DOCK1: variants seen among roughly 807,000 people sequenced by gnomAD.
The protein encoded by DOCK1 is dedicator of cytokinesis 1, also known as dedicator of cytokinesis protein 1.
A neutral mutation model predicts 262.7 loss-of-function variants in DOCK1; 138 were observed. The observed-to-expected ratio is 0.53, with a 90% CI of 0.46 to 0.61. The LOEUF (loss-of-function observed/expected upper bound fraction) is 0.61. DOCK1 is among the 20% of genes least tolerant of loss of function. The pLI, the probability that DOCK1 is intolerant of heterozygous loss-of-function variation, is 0.00. For synonymous variants in DOCK1, 866 were observed against 867.4 expected, an observed-to-expected ratio of 1.00 and a Z score of 0.03; for missense variants, 1,908 against 2,370.7, an observed-to-expected ratio of 0.80 and a Z score of 4.05.
chr10:127,214,272 C>T (rs181244152), intron 27 of DOCK1, among the ~76,000 whole-genome samples: 5 of 152,294 alleles, frequency 3.3e-5, no homozygotes, highest in East Asian at 3.9e-4. Flanking sequence ...TAGCTCCCCC[C>T]GCCCAGCTGT....
intron 1 of DOCK1, among the ~76,000 whole-genome samples, chr10:126,955,979 A>AAGGC (rs2036704034): frequency 6.6e-6 from 1 of 152,148 alleles, no homozygotes; most frequent in African/African-American, 2.4e-5. Context: ...ACAGATGACA[A>AAGGC]AGGCAGGCAG....
chr10:127,314,763 T>C (rs949972551), intron 29 of DOCK1, among the ~76,000 whole-genome samples: 28 of 152,210 alleles, frequency 1.8e-4, no homozygotes, highest in Non-Finnish European at 2.9e-4. Flanking sequence ...AAGAACCCTG[T>C]CTGTCAGTGT....
intron 23 of DOCK1, among the ~76,000 whole-genome samples, chr10:127,067,850 G>A (rs2045967580): frequency 6.6e-6 from 1 of 152,032 alleles, no homozygotes; most frequent in East Asian, 1.9e-4. Context: ...AGAGCCCCAG[G>A]CCCCTGACGC....
chr10:127,257,624 G>T, intron 29 of DOCK1, 195 bp downstream of exon 29: 1 of 439,606 alleles, frequency 2.3e-6, no homozygotes. Context: ...ACAACACAGG[G>T]CTCTGGCTCT....
chr10:127,202,466 T>G (rs1182255082), intron 27 of DOCK1, among the ~76,000 whole-genome samples: 1 of 152,152 alleles, frequency 6.6e-6, no homozygotes, highest in African/African-American at 2.4e-5. Context: ...AGGCTTTTCT[T>G]TAGGGAGCTG....
intron 47 of DOCK1, among the ~76,000 whole-genome samples, chr10:127,428,755 T>C (rs935216373): frequency 7.0e-6 from 1 of 143,210 alleles, no homozygotes; most frequent in African/African-American, 2.6e-5. Flanking sequence ...GCTGTGTGGA[T>C]TGGGGTACCG....
chr10:127,375,656 A>T (rs1426355254), intron 35 of DOCK1, among the ~76,000 whole-genome samples: 1 of 152,236 alleles, frequency 6.6e-6, no homozygotes, highest in Non-Finnish European at 1.5e-5. Context: ...GCCATGAGGA[A>T]CTTCACAGCT....
intron 27 of DOCK1, among the ~76,000 whole-genome samples, chr10:127,235,788 G>GT (rs57376230): frequency 3.5e-4 from 52 of 149,336 alleles, no homozygotes; most frequent in African/African-American, 5.0e-4. Flanking sequence ...TGTGGTGGTT[G>GT]TTTTTTTTTT....
intron 48 of DOCK1, among the ~76,000 whole-genome samples, chr10:127,435,454 A>G (rs527595433): frequency 6.6e-5 from 10 of 152,258 alleles, no homozygotes; most frequent in African/African-American, 2.2e-4. Flanking sequence ...CTTAACAGTA[A>G]TTTTTATCAG....
chr10:127,269,082 T>A (rs552891438), intron 29 of DOCK1, among the ~76,000 whole-genome samples: 1 of 152,136 alleles, frequency 6.6e-6, no homozygotes, highest in Admixed American at 6.5e-5. Flanking sequence ...CCACCACTTA[T>A]GAGCTTTGTA....
chr10:126,918,872 A>G (rs1445311320), intron 1 of DOCK1, among the ~76,000 whole-genome samples: 1 of 122,546 alleles, frequency 8.2e-6, no homozygotes, highest in Non-Finnish European at 1.8e-5. Context: ...TTGGTCTGGC[A>G]GGGTGTGCAG....
intron 12 of DOCK1, chr10:127,015,027 C>G (rs1392391006): frequency 1.3e-5 from 2 of 152,178 alleles, no homozygotes; most frequent in Non-Finnish European, 1.5e-5. Flanking sequence ...GGTCACTTGT[C>G]TAGTGAAATG....
intron 27 of DOCK1, among the ~76,000 whole-genome samples, chr10:127,202,250 G>C (rs1358992521): frequency 6.6e-6 from 1 of 152,022 alleles, no homozygotes; most frequent in African/African-American, 2.4e-5. Context: ...TTGAACCTGG[G>C]AGGTGAAGGT....
chr10:127,225,978 T>C (rs796342367), intron 27 of DOCK1, among the ~76,000 whole-genome samples: 8 of 150,602 alleles, frequency 5.3e-5, no homozygotes, highest in African/African-American at 2.0e-4. Flanking sequence ...CTTGGGAGGC[T>C]GAGGCAGGAG....
intron 29 of DOCK1, among the ~76,000 whole-genome samples, chr10:127,330,441 G>C (rs2062926007): frequency 1.3e-5 from 2 of 151,960 alleles, no homozygotes; most frequent in South Asian, 4.1e-4. Context: ...AACAAGTGTT[G>C]ATGAGGGTGT....
chr10:126,954,959 A>G (rs1035157541), intron 1 of DOCK1, among the ~76,000 whole-genome samples: 76 of 152,218 alleles, frequency 5.0e-4, no homozygotes, highest in African/African-American at 1.8e-3. Context: ...TAGTAGTTGT[A>G]TATTTAACTT....
chr10:127,257,508 G>A lies in DOCK1; in HGVS notation c.3044+79G>A. ...GCTGGGAACAGTGGTGTTGCCTGGA[G>A]ACCAAGCTGGCTTCAATAAAATGCT... On this transcript the variant is annotated intron_variant, in intron 29 of 51. Transcript: ENST00000623213. The A allele has an allele frequency of 1.5e-6, 2 of 1,326,178 alleles. 1 individual carries two copies. Among genetic ancestry groups the A allele is most frequent in the South Asian group, 2.6e-5 (2 of 77,036 alleles). The allele number at this position is 1,326,178 out of a possible 1,614,324, so 82.2% of individuals were successfully genotyped here.
At chr10:127,435,309 C>G (rs139079595) in intron 48 of DOCK1, among the ~76,000 whole-genome samples, 1 of 152,260 alleles carries the variant, frequency 6.6e-6, no homozygotes, top group African/African-American at 2.4e-5. Context: ...CTATCAAACC[C>G]ACAGGCATCT....
chr10:127,036,981 G>GAAAAAAAAAA (rs11429952), intron 18 of DOCK1, among the ~76,000 whole-genome samples: 31 of 127,984 alleles, frequency 2.4e-4, no homozygotes, highest in Non-Finnish European at 3.6e-4. Flanking sequence ...CCATCTCAAG[G>GAAAAAAAAAA]AAAAAAAAAA....
Sources: gnomAD v4.1 joint callset for allele counts (sites outside exome capture counted in the v4.1 genomes callset) on GRCh38, gnomAD v4.1.1 for gene constraint, MANE v1.5 for transcripts, NCBI Gene and HGNC (gene_info 2026-07-23, HGNC 2026-07-21) for gene names.